CNTN4: variants seen among roughly 807,000 people sequenced by gnomAD.
CNTN4 encodes contactin-4.
Under a neutral mutation model 122.5 loss-of-function variants are expected in CNTN4, and 77 were observed. The ratio of observed to expected loss-of-function variants is 0.63; its 90% confidence interval spans 0.52 to 0.76. The LOEUF is 0.76. CNTN4 is among the 30% of genes least tolerant of loss of function. The probability of loss-of-function intolerance (pLI) is 0.00; values close to 1 mark genes in which losing one functional copy is unlikely to be tolerated. For missense variants in CNTN4, 1,256 were observed against 1,259.1 expected (o/e 1.00, Z 0.04); for synonymous variants, 512 against 447.0 (o/e 1.15, Z -1.83).
chr3:2,663,336 T>C (rs1490744721), intron 4 of CNTN4, among the ~76,000 whole-genome samples: 1 of 152,174 alleles, frequency 6.6e-6, no homozygotes, highest in Non-Finnish European at 1.5e-5. Context: ...AGAAGTACTG[T>C]AGGTAAAATA....
intron 12 of CNTN4, 81 bp downstream of exon 12, chr3:2,903,086 G>A: frequency 7.0e-7 from 1 of 1,429,416 alleles, no homozygotes; most frequent in Non-Finnish European, 9.7e-7. Context: ...AAGCATAAAT[G>A]TTCAATCCAA....
intron 4 of CNTN4, among the ~76,000 whole-genome samples, chr3:2,587,273 T>C (rs2080245149): frequency 6.6e-6 from 1 of 152,184 alleles, no homozygotes; most frequent in Non-Finnish European, 1.5e-5. Flanking sequence ...ACTCACATCT[T>C]TTCTGAGCAA....
intron 13 of CNTN4, among the ~76,000 whole-genome samples, chr3:2,947,969 T>G (rs2094697085): frequency 6.6e-6 from 1 of 152,042 alleles, no homozygotes; most frequent in African/African-American, 2.4e-5. Flanking sequence ...GCTGGGTGCG[T>G]TGTTTATTCA....
intron 4 of CNTN4, among the ~76,000 whole-genome samples, chr3:2,681,339 TG>T (rs2085154587): frequency 6.6e-6 from 1 of 152,202 alleles, no homozygotes; most frequent in Non-Finnish European, 1.5e-5. Context: ...AAATGTTTTT[TG>T]TCATCTCCCT....
At chr3:2,225,583 C>A (rs1475607068) in intron 2 of CNTN4, among the ~76,000 whole-genome samples, 2 of 152,186 alleles carry the variant, frequency 1.3e-5, no homozygotes, top group Non-Finnish European at 2.9e-5. Flanking sequence ...ATCTTTGGTA[C>A]AGCCAATAGA....
intron 2 of CNTN4, among the ~76,000 whole-genome samples, chr3:2,278,217 A>G (rs1238366180): frequency 1.3e-5 from 2 of 152,238 alleles, no homozygotes; most frequent in African/African-American, 4.8e-5. Context: ...CGTATAATCA[A>G]TGAAGAAATA....
intron 7 of CNTN4, among the ~76,000 whole-genome samples, chr3:2,838,225 A>G (rs913643894): frequency 2.6e-5 from 4 of 152,208 alleles, no homozygotes; most frequent in Non-Finnish European, 5.9e-5. Flanking sequence ...CTATACTGAA[A>G]TGTAAAGAAT....
At chr3:2,977,264 A>C (rs1693508447) in intron 13 of CNTN4, among the ~76,000 whole-genome samples, 1 of 152,190 alleles carries the variant, frequency 6.6e-6, no homozygotes, top group Admixed American at 6.5e-5. Context: ...TTTGGTGTAG[A>C]TCCTCCTCTG....
At chr3:2,605,052 G>C (rs138552055) in intron 4 of CNTN4, among the ~76,000 whole-genome samples, 1 of 152,076 alleles carries the variant, frequency 6.6e-6, no homozygotes, top group South Asian at 2.1e-4. Flanking sequence ...TGTCACCCAG[G>C]CTAGAGTTCA....
At chr3:2,340,255 C>T (rs1003859400) in intron 3 of CNTN4, among the ~76,000 whole-genome samples, 7 of 152,022 alleles carry the variant, frequency 4.6e-5, no homozygotes, top group Admixed American at 1.3e-4. Flanking sequence ...TTATTGTTAA[C>T]AATGTATTTA....
At chr3:2,308,371 T>C (rs1559438859) in intron 2 of CNTN4, among the ~76,000 whole-genome samples, 1 of 152,064 alleles carries the variant, frequency 6.6e-6, no homozygotes, top group Non-Finnish European at 1.5e-5. Context: ...CCATTGATTT[T>C]TTTCTGTTGT....
rs559229977 is a variant in CNTN4, at chr3:2,992,753, C to T, written c.1486+4281C>T. On this transcript the variant is annotated intron_variant, in intron 14 of 24. Transcript: ENST00000418658. ...CTGTGGATGCTGTTAACATAGTCAT[C>T]GTGCTGAACTACATCCAAACTGACC... is the stretch of plus-strand genomic sequence containing the variant. 3.3e-3 allele frequency among the ~76,000 whole-genome samples: 497 copies of T among 152,288 alleles called. 2 individuals carry two copies. The highest frequency in any genetic ancestry group is 5.5e-3 in the Non-Finnish European group (376 of 68,018).
intron 14 of CNTN4, among the ~76,000 whole-genome samples, chr3:3,004,204 T>TC (rs1559776902): frequency 6.6e-6 from 1 of 152,098 alleles, no homozygotes; most frequent in Non-Finnish European, 1.5e-5. Context: ...TGAAGCAAAT[T>TC]CATCAGCTGT....
chr3:2,217,952 A>G (rs2038916669), intron 2 of CNTN4, among the ~76,000 whole-genome samples: 1 of 152,226 alleles, frequency 6.6e-6, no homozygotes, highest in Non-Finnish European at 1.5e-5. Context: ...AAAGTCTATC[A>G]GAGGGAGTCA....
At chr3:2,269,000 A>G (rs1414089691) in intron 2 of CNTN4, among the ~76,000 whole-genome samples, 1 of 152,126 alleles carries the variant, frequency 6.6e-6, no homozygotes, top group Admixed American at 6.6e-5. Flanking sequence ...CCTTAGTGCC[A>G]CTATGACAGA....
intron 3 of CNTN4, among the ~76,000 whole-genome samples, chr3:2,556,857 G>A (rs1458192897): frequency 6.6e-6 from 1 of 152,078 alleles, no homozygotes; most frequent in South Asian, 2.1e-4. Flanking sequence ...GGTTGTTGGT[G>A]GAGAGTCAGA....
intron 2 of CNTN4, among the ~76,000 whole-genome samples, chr3:2,153,646 G>A (rs1018285644): frequency 6.6e-6 from 1 of 151,946 alleles, no homozygotes; most frequent in Admixed American, 6.5e-5. Flanking sequence ...CATGGTAAGG[G>A]TGTACTTTAT....
intron 2 of CNTN4, among the ~76,000 whole-genome samples, chr3:2,117,206 C>T (rs949334095): frequency 4.6e-5 from 7 of 152,186 alleles, no homozygotes; most frequent in African/African-American, 1.7e-4. Flanking sequence ...CCGCAACCTC[C>T]TCCTTGGGTT....
intron 4 of CNTN4, among the ~76,000 whole-genome samples, chr3:2,692,660 C>T (rs1041740099): frequency 2.6e-5 from 4 of 151,996 alleles, no homozygotes; most frequent in Non-Finnish European, 4.4e-5. Context: ...CACACACTGG[C>T]GCATGCAAAC....
Sources: gnomAD v4.1 joint callset for allele counts (sites outside exome capture counted in the v4.1 genomes callset) on GRCh38, gnomAD v4.1.1 for gene constraint, MANE v1.5 for transcripts, NCBI Gene and HGNC (gene_info 2026-07-23, HGNC 2026-07-21) for gene names.